Variants in TMEM154 observed in about 807,000 individuals in gnomAD.
TMEM154 encodes transmembrane protein 154.
TMEM154 carries 27 observed loss-of-function variants against 24.5 expected under a neutral mutation model. That is an observed-to-expected ratio of 1.10 (90% CI 0.81 to 1.52). TMEM154 has a LOEUF of 1.52. Ranked by LOEUF, TMEM154 falls within the 40% of genes most tolerant of loss-of-function variation. The pLI is 0.00. For missense variants in TMEM154, 228 were observed against 213.4 expected (o/e 1.07, Z -0.43); for synonymous variants, 67 against 76.8 (o/e 0.87, Z 0.67).
At chr4:152,657,729 C>T (rs777495368) in intron 1 of TMEM154, among the ~76,000 whole-genome samples, 2 of 152,050 alleles carry the variant, frequency 1.3e-5, no homozygotes, top group African/African-American at 2.4e-5. Flanking sequence ...CATGTAGTCA[C>T]CTATAAAGGA....
At chr4:152,661,336 CT>C (rs1728606152) in intron 1 of TMEM154, among the ~76,000 whole-genome samples, 4 of 136,758 alleles carry the variant, frequency 2.9e-5, no homozygotes, top group African/African-American at 8.2e-5. Flanking sequence ...CTCTCTCTCT[CT>C]CTCTCCCCCC....
At chr4:152,646,263 G>T (rs1728227232) in intron 3 of TMEM154, among the ~76,000 whole-genome samples, 2 of 152,130 alleles carry the variant, frequency 1.3e-5, no homozygotes, top group Non-Finnish European at 2.9e-5. Context: ...AAGCTAGCCT[G>T]CAAGCAGATG....
rs1295757751 is a variant in TMEM154 at position 152,626,324 on chromosome 4, A to G, written c.*2222T>C. On this transcript the variant is annotated 3_prime_UTR_variant, in exon 7 of 7. Transcript: ENST00000304385. ...TGGTTTTTGTTTTGTTTTTTTAACA[A>G]TAGTCTGAAACATAAAATTAAGTTT... The G allele has an allele frequency of 6.6e-6, 1 of 152,642 alleles. No homozygotes were observed. The highest frequency in any genetic ancestry group is 6.5e-5 in the Admixed American group (1 of 15,278). 9.5% of individuals were successfully genotyped at this position (152,642 alleles called of 1,614,324 possible).
rs1273375081 is a variant in TMEM154 at position 152,622,990 on chromosome 4, C to A, written c.*5556G>T. 6.6e-6 allele frequency: 1 copy of A among 152,172 alleles called. No individual in the cohort carries two copies. Among genetic ancestry groups the A allele is most frequent in the East Asian group, 1.9e-4 (1 of 5,198 alleles). 9.4% of individuals were successfully genotyped at this position (152,172 alleles called of 1,614,324 possible). A position where few individuals can be genotyped will look rare whatever the true frequency, so the allele number is the denominator to read the frequency against. ...TAGGTGGGATTACAGGTGTGTACTACCACACCTGGCTAATTTTTGCATTTT... is the reference window on the plus strand; with the variant it reads ...TAGGTGGGATTACAGGTGTGTACTAACACACCTGGCTAATTTTTGCATTTT... On this transcript the variant is annotated 3_prime_UTR_variant, in exon 7 of 7. Coordinates refer to ENST00000304385, the MANE Select transcript of TMEM154 (RefSeq NM_152680.3).
intron 6 of TMEM154, among the ~76,000 whole-genome samples, chr4:152,635,648 A>C (rs1248196430): frequency 6.6e-6 from 1 of 152,200 alleles, no homozygotes; most frequent in Non-Finnish European, 1.5e-5. Flanking sequence ...TTCCTGAAAA[A>C]TAGTGAAGCA....
intron 6 of TMEM154, among the ~76,000 whole-genome samples, chr4:152,634,414 T>G (rs1240053963): frequency 3.3e-5 from 5 of 152,220 alleles, no homozygotes; most frequent in Non-Finnish European, 5.9e-5. Context: ...AGAGTTCAGT[T>G]TAGCATAAAG....
chr4:152,669,579 T>C (rs1487500657), intron 1 of TMEM154: 1 of 152,240 alleles, frequency 6.6e-6, no homozygotes, highest in Non-Finnish European at 1.5e-5. Flanking sequence ...GTCCTATATT[T>C]TTATTTGTTA....
chr4:152,645,605 G>T (rs1752348041), intron 3 of TMEM154, among the ~76,000 whole-genome samples: 1 of 152,178 alleles, frequency 6.6e-6, no homozygotes, highest in Admixed American at 6.5e-5. Flanking sequence ...CTTTGTAGGG[G>T]CCCACCAAAT....
intron 1 of TMEM154, among the ~76,000 whole-genome samples, chr4:152,654,351 G>A (rs1368745537): frequency 6.6e-6 from 1 of 152,180 alleles, no homozygotes; most frequent in Non-Finnish European, 1.5e-5. Flanking sequence ...CACACTCTGC[G>A]GTATAGGTTA....
At chr4:152,652,325 C>A (rs1579522766) in intron 3 of TMEM154, among the ~76,000 whole-genome samples, 1 of 146,168 alleles carries the variant, frequency 6.8e-6, no homozygotes, top group African/African-American at 2.5e-5. Context: ...CAAAGTGCAA[C>A]CAAACAAGGC....
chr4:152,664,304 C>T (rs1450416124), intron 1 of TMEM154, among the ~76,000 whole-genome samples: 1 of 149,750 alleles, frequency 6.7e-6, no homozygotes, highest in Non-Finnish European at 1.5e-5. Flanking sequence ...TGTTCTCACT[C>T]ATAAGTGGGA....
At chr4:152,649,645 A>T (rs1728335063) in intron 3 of TMEM154, among the ~76,000 whole-genome samples, 2 of 152,216 alleles carry the variant, frequency 1.3e-5, no homozygotes, top group Admixed American at 1.3e-4. Flanking sequence ...GATGACCCCA[A>T]GGCCTCTAGC....
rs149007563 is a variant in TMEM154 at position 152,675,195 on chromosome 4, T to A, written c.64+4675A>T. 1.7e-3 allele frequency among the ~76,000 whole-genome samples: 250 copies of A among 142,890 alleles called. 5 individuals are homozygous for A. The East Asian group carries it at 0.044, about 25-fold the overall frequency. The allele number at this position is 142,890 out of a possible 152,430, so 93.7% of individuals were successfully genotyped here. On this transcript the variant is annotated intron_variant, in intron 1 of 6. Coordinates refer to ENST00000304385, the MANE Select transcript of TMEM154 (RefSeq NM_152680.3). ...AAAAAAAAGAATGTGAGGCAACAGA[T>A]ATGACAAGCGGCAAGATTATGTCTA... is the stretch of plus-strand genomic sequence containing the variant.
In TMEM154 at chr4:152,624,668, T is replaced by G. The variant is rs1336138872; in HGVS notation, c.*3878A>C. 1 of 151,962 alleles carries G rather than the reference T, an allele frequency of 6.6e-6. No homozygotes were observed. Among genetic ancestry groups the G allele is most frequent in the Non-Finnish European group, 1.5e-5 (1 of 67,986 alleles). The allele number at this position is 151,962 out of a possible 1,614,324, so 9.4% of individuals were successfully genotyped here. ...AGAGGACTAAGAAGGAAATAAAACT[T>G]TGGTGCCAGACAAGACAGTATCAAG... On this transcript the variant is annotated 3_prime_UTR_variant, in exon 7 of 7. Transcript: ENST00000304385.
chr4:152,639,920 G>A (rs1232823445), intron 6 of TMEM154: 1 of 152,868 alleles, frequency 6.5e-6, no homozygotes, highest in African/African-American at 2.4e-5. Flanking sequence ...GAGTAAGACT[G>A]TGGTGGTGTG....
chr4:152,644,522 C>A (rs1015719712), intron 3 of TMEM154, 80 bp from the exon 4 acceptor site: 30 of 1,410,794 alleles, frequency 2.1e-5, no homozygotes, highest in Admixed American at 3.4e-5. Context: ...GCTGAAGTCT[C>A]CTTTACAAAG....
chr4:152,658,970 TA>T (rs1728543938), intron 1 of TMEM154, among the ~76,000 whole-genome samples: 1 of 152,106 alleles, frequency 6.6e-6, no homozygotes, highest in South Asian at 2.1e-4. Context: ...CTCAAAAAAC[TA>T]ACAAGAGAAC....
intron 3 of TMEM154, chr4:152,646,952 A>AC: frequency 1.4e-6 from 1 of 703,426 alleles, no homozygotes; most frequent in Non-Finnish European, 2.6e-6. Flanking sequence ...TTTCAGAGAG[A>AC]CCTCACACAT....
rs1728412312 is a variant in TMEM154, at chr4:152,652,776, A to T, written c.216T>A (p.Asn72Lys). The change falls in exon 2 of 7, where the codon AAT becomes AAA. Residue 72 changes from asparagine (N) to lysine (K), a missense_variant. Asn to Lys is a moderately conservative substitution (Grantham distance 94). Coordinates refer to ENST00000304385, the MANE Select transcript of TMEM154 (RefSeq NM_152680.3). ...ACACCATCAGTATAAACTCTAACTG[A>T]TTTTCATCCGGAGCAAAGTTGGTAG... is the stretch of plus-strand genomic sequence containing the variant. ...INSTNFAPDE[N>K]QLEFILMVLI... 6.2e-7 allele frequency: 1 copy of T among 1,614,016 alleles called. No individual in the cohort carries two copies. Among genetic ancestry groups the T allele is most frequent in the Non-Finnish European group, 8.5e-7 (1 of 1,179,980 alleles).
Sources: allele counts gnomAD v4.1 joint callset (sites outside exome capture counted in the v4.1 genomes callset), GRCh38; gene constraint gnomAD v4.1.1; transcripts MANE v1.5; gene names NCBI Gene and HGNC (gene_info 2026-07-23, HGNC 2026-07-21).